The following SLC2A13 variants were observed in gnomAD, a reference collection of about 807,000 sequenced individuals.
SLC2A13 encodes the protein proton myo-inositol cotransporter.
Under a neutral mutation model 64.4 loss-of-function variants are expected in SLC2A13, and 32 were observed. That is an observed-to-expected ratio of 0.50 (90% CI 0.37 to 0.67). The LOEUF is 0.67. Among genes scored for constraint, SLC2A13 ranks in the 30% least tolerant of loss-of-function variants. SLC2A13 has a pLI of 0.00. For synonymous variants in SLC2A13, 338 were observed against 327.1 expected (o/e 1.03, Z -0.36); for missense variants, 743 against 829.2 (o/e 0.90, Z 1.28).
intron 1 of SLC2A13, among the ~76,000 whole-genome samples, chr12:40,050,137 T>C (rs1948231890): frequency 6.6e-6 from 1 of 152,216 alleles, no homozygotes; most frequent in South Asian, 2.1e-4. Flanking sequence ...ACACGGGATT[T>C]GTATATTCTC....
rs1226904329 is a variant in SLC2A13, at chr12:40,048,125, G to A, written c.642C>T (p.Leu214=). The change falls in exon 2 of 10, where the codon CTC becomes CTT. Residue 214 remains leucine (L), a synonymous_variant. Coordinates refer to ENST00000280871, the MANE Select transcript of SLC2A13 (RefSeq NM_052885.4). ...CAAAGAACTGCCCTCCTGTGATGAA[G>A]AGGGTATTAATGGTGACTAATCGGC... is the stretch of plus-strand genomic sequence containing the variant. The part of the protein sequence containing the change: ...LRGRLVTINT[L]FITGGQFFAS... The A allele has an allele frequency of 6.8e-6, 11 of 1,613,568 alleles. No homozygotes were observed. The highest frequency in any genetic ancestry group is 2.2e-5 in the East Asian group (1 of 44,864).
intron 7 of SLC2A13, among the ~76,000 whole-genome samples, chr12:39,785,386 G>T (rs1941149293): frequency 6.6e-6 from 1 of 152,208 alleles, no homozygotes; most frequent in African/African-American, 2.4e-5. Context: ...GAGCCTGTGG[G>T]TGCACAGAAG....
At chr12:40,034,572 T>C (rs971181993) in intron 2 of SLC2A13, among the ~76,000 whole-genome samples, 1 of 152,190 alleles carries the variant, frequency 6.6e-6, no homozygotes, top group East Asian at 1.9e-4. Flanking sequence ...TTCCACTCTG[T>C]CTTCTGGCTT....
intron 3 of SLC2A13, among the ~76,000 whole-genome samples, chr12:40,022,656 G>C (rs1947739542): frequency 6.6e-6 from 1 of 152,162 alleles, no homozygotes; most frequent in South Asian, 2.1e-4. Context: ...GGCCAACGCG[G>C]TGAAACCCCG....
At position 39,910,770 on chromosome 12, in the gene SLC2A13, T is replaced by C. The variant is rs553049880; in HGVS notation, c.1035-38809A>G. On this transcript the variant is annotated intron_variant, in intron 4 of 9. Transcript: ENST00000280871. The stretch of plus-strand genomic sequence containing the variant: ...TTGGTTAGGCAAAGGGAGGATAACA[T>C]GGCTAAAATTTTAAATTTTAGTCAG... 3.7e-4 allele frequency among the ~76,000 whole-genome samples: 56 copies of C among 152,194 alleles called. No individual in the cohort carries two copies. In the South Asian group the frequency reaches 3.9e-3, roughly 11 times the overall value.
At chr12:39,804,229 C>A (rs1260663778) in intron 7 of SLC2A13, among the ~76,000 whole-genome samples, 1 of 151,800 alleles carries the variant, frequency 6.6e-6, no homozygotes, top group Non-Finnish European at 1.5e-5. Flanking sequence ...AAAATATCAA[C>A]AAAAAGAAAA....
At chr12:40,012,067 G>A (rs536280771) in intron 3 of SLC2A13, among the ~76,000 whole-genome samples, 8 of 152,284 alleles carry the variant, frequency 5.3e-5, no homozygotes, top group South Asian at 4.1e-4. Flanking sequence ...AAGCCAAGAG[G>A]TATTAATAGT....
chr12:39,782,754 A>G (rs1321839893), intron 7 of SLC2A13, among the ~76,000 whole-genome samples: 1 of 152,204 alleles, frequency 6.6e-6, no homozygotes, highest in Non-Finnish European at 1.5e-5. Context: ...GACATGTTGA[A>G]TGGCTTTGAC....
chr12:39,893,497 A>G (rs1241016045), intron 4 of SLC2A13, among the ~76,000 whole-genome samples: 1 of 152,132 alleles, frequency 6.6e-6, no homozygotes, highest in African/African-American at 2.4e-5. Context: ...ACGAGGTTTC[A>G]CCATGTTGGC....
At chr12:39,988,651 A>G (rs1947072571) in intron 3 of SLC2A13, among the ~76,000 whole-genome samples, 2 of 104,930 alleles carry the variant, frequency 1.9e-5, no homozygotes, top group African/African-American at 3.5e-5. Flanking sequence ...GAGAGGGAGA[A>G]AAGGAAGGAG....
At chr12:40,062,776 C>T (rs554165605) in intron 1 of SLC2A13, among the ~76,000 whole-genome samples, 4 of 152,180 alleles carry the variant, frequency 2.6e-5, no homozygotes, top group African/African-American at 4.8e-5. Flanking sequence ...GTGACATTAA[C>T]ATTAATTATG....
chr12:39,906,820 TA>T (rs1255908094), intron 4 of SLC2A13, among the ~76,000 whole-genome samples: 1 of 152,158 alleles, frequency 6.6e-6, no homozygotes, highest in Non-Finnish European at 1.5e-5. Flanking sequence ...ATGGTGACAG[TA>T]ACATTTTTGC....
intron 3 of SLC2A13, among the ~76,000 whole-genome samples, chr12:39,976,995 A>T (rs1946771195): frequency 6.6e-6 from 1 of 152,228 alleles, no homozygotes; most frequent in African/African-American, 2.4e-5. Flanking sequence ...AACTTTAAAC[A>T]ACATCAGGAA....
At chr12:40,069,183 AAG>A (rs1285028780) in intron 1 of SLC2A13, among the ~76,000 whole-genome samples, 1 of 152,148 alleles carries the variant, frequency 6.6e-6, no homozygotes, top group Non-Finnish European at 1.5e-5. Flanking sequence ...AGGAAAGAAA[AAG>A]AGAAATAAAA....
At chr12:39,826,249 C>T (rs1942671634) in intron 7 of SLC2A13, among the ~76,000 whole-genome samples, 1 of 151,752 alleles carries the variant, frequency 6.6e-6, no homozygotes, top group East Asian at 1.9e-4. Context: ...ATAGTCTCTG[C>T]TTGTTTTTGT....
At chr12:39,793,409 T>C (rs1224226968) in intron 7 of SLC2A13, among the ~76,000 whole-genome samples, 1 of 147,832 alleles carries the variant, frequency 6.8e-6, no homozygotes, top group Non-Finnish European at 1.5e-5. Flanking sequence ...AATTGATCTA[T>C]AGAGTCAATG....
chr12:39,958,595 CACTT>C lies in SLC2A13; in HGVS notation c.926-7234_926-7231del, dbSNP rs112960588. Among the ~76,000 whole-genome samples the C allele has an allele frequency of 2.7e-3, 406 of 152,268 alleles. 3 individuals carry two copies. The highest frequency in any genetic ancestry group is 8.8e-3 in the African/African-American group (365 of 41,546). On this transcript the variant is annotated intron_variant, in intron 3 of 9. Coordinates refer to ENST00000280871, the MANE Select transcript of SLC2A13 (RefSeq NM_052885.4). ...GGCTAAAGCACCCCACTGAATCCTC[CACTT>C]ACTTGTTCAAAACCATTGATAACAG...
intron 6 of SLC2A13, among the ~76,000 whole-genome samples, chr12:39,842,736 AT>A (rs1332404376): frequency 6.6e-6 from 1 of 152,034 alleles, no homozygotes; most frequent in East Asian, 1.9e-4. Flanking sequence ...ATTCCGGAAC[AT>A]TTTCATTGCT....
chr12:39,862,558 C>G (rs1817136947), intron 6 of SLC2A13, among the ~76,000 whole-genome samples: 1 of 152,184 alleles, frequency 6.6e-6, no homozygotes, highest in Non-Finnish European at 1.5e-5. Context: ...CCTTTAAAAT[C>G]TGTTTCATTT....
Sources: allele counts gnomAD v4.1 joint callset (sites outside exome capture counted in the v4.1 genomes callset), GRCh38; gene constraint gnomAD v4.1.1; transcripts MANE v1.5; gene names NCBI Gene and HGNC (gene_info 2026-07-23, HGNC 2026-07-21).